Variants in CAMKK1 observed in about 807,000 individuals in gnomAD.
CAMKK1 encodes calcium/calmodulin-dependent protein kinase kinase 1.
In CAMKK1, 20 loss-of-function variants were observed where a neutral mutation model predicts 63.5. The observed-to-expected ratio is 0.32, with a 90% confidence interval of 0.22 to 0.46. CAMKK1 has a LOEUF of 0.46. CAMKK1 is among the 20% of genes least tolerant of loss of function. The probability of loss-of-function intolerance (pLI) is 1.00; values close to 1 mark genes in which losing one functional copy is unlikely to be tolerated. For missense variants in CAMKK1, 588 were observed against 658.1 expected (o/e 0.89, Z 1.17); for synonymous variants, 253 against 269.0 (o/e 0.94, Z 0.58).
chr17:3,863,174 C>T (rs2054385593), intron 15 of CAMKK1, among the ~76,000 whole-genome samples: 1 of 152,208 alleles, frequency 6.6e-6, no homozygotes, highest in Non-Finnish European at 1.5e-5. Context: ...AACTCTACTA[C>T]TGAGTTTCTA....
intron 1 of CAMKK1, among the ~76,000 whole-genome samples, chr17:3,888,764 G>A (rs1350534167): frequency 1.3e-5 from 2 of 152,202 alleles, no homozygotes; most frequent in Admixed American, 6.5e-5. Context: ...GTGACTAAGC[G>A]CGTCTGCGAG....
At chr17:3,872,734 GC>G in intron 11 of CAMKK1, 107 bp from the exon 12 acceptor site, 1 of 844,834 alleles carries the variant, frequency 1.2e-6, no homozygotes. Flanking sequence ...GCAGGTCTGG[GC>G]TCCCATTACA....
chr17:3,877,818 A>G (rs938777036), intron 9 of CAMKK1, among the ~76,000 whole-genome samples: 2 of 151,926 alleles, frequency 1.3e-5, no homozygotes, highest in Middle Eastern at 3.4e-3. Flanking sequence ...TCTCCCTTGA[A>G]CTCCAGCTCT....
In CAMKK1 at chr17:3,893,016, C is replaced by CCCGCCCCA. The variant is rs1352385029; in HGVS notation, c.-129_-122dup. 31 of 149,588 alleles carry CCCGCCCCA rather than the reference C, an allele frequency of 2.1e-4. No homozygotes were observed. Among genetic ancestry groups the CCCGCCCCA allele is most frequent in the African/African-American group, 7.5e-4 (31 of 41,066 alleles). The allele number at this position is 149,588 out of a possible 1,614,324, so 9.3% of individuals were successfully genotyped here. The stretch of plus-strand genomic sequence containing the variant: ...TGCTGCGCGCCCCGCCCCGCCCCGC[C>CCCGCCCCA]CCGCCCCACCGCCTCGCTGGGGCCC... On this transcript the variant is annotated 5_prime_UTR_variant, in exon 1 of 16. Coordinates refer to ENST00000348335, the MANE Select transcript of CAMKK1 (RefSeq NM_032294.3). This position sits in a 1 kb window ranked among gnomAD's most constrained non-coding sequence, Gnocchi z 4.6.
chr17:3,869,468 T>C lies in CAMKK1; in HGVS notation c.1341+19A>G, dbSNP rs766176605. 8.1e-6 allele frequency: 13 copies of C among 1,613,820 alleles called. No homozygotes were observed. The highest frequency in any genetic ancestry group is 3.3e-5 in the Admixed American group (2 of 59,998). On this transcript the variant is annotated intron_variant, in intron 14 of 15. Coordinates refer to ENST00000348335, the MANE Select transcript of CAMKK1 (RefSeq NM_032294.3). Reference sequence around the variant, plus strand: ...CCAGGCCCTCCAGGACAAGGGAGCATCTACCCCGGCTCTCTTACCACCGTG... The same window carrying C: ...CCAGGCCCTCCAGGACAAGGGAGCACCTACCCCGGCTCTCTTACCACCGTG...
Position 3,873,399 on chromosome 17 carries a change from T to C in CAMKK1, c.1050+10A>G. 6.2e-7 allele frequency: 1 copy of C among 1,613,914 alleles called. No homozygotes were observed. Among genetic ancestry groups the C allele is most frequent in the Non-Finnish European group, 8.5e-7 (1 of 1,179,908 alleles). ...CCCGCCCCAGCTCTGCTGGCATCCCTGGCACTCACCTTCCCATAGACAAAG... is the reference window on the plus strand; with the variant it reads ...CCCGCCCCAGCTCTGCTGGCATCCCCGGCACTCACCTTCCCATAGACAAAG... On this transcript the variant is annotated intron_variant, in intron 11 of 15. Coordinates refer to ENST00000348335, the MANE Select transcript of CAMKK1 (RefSeq NM_032294.3).
intron 14 of CAMKK1, among the ~76,000 whole-genome samples, chr17:3,869,113 C>T (rs557276794): frequency 1.2e-3 from 183 of 151,758 alleles, no homozygotes; most frequent in Non-Finnish European, 2.2e-3. Flanking sequence ...GGACTACACG[C>T]GCCCGCCACC....
intron 9 of CAMKK1, 49 bp downstream of exon 9, chr17:3,880,297 G>A: frequency 1.3e-6 from 2 of 1,526,544 alleles, no homozygotes; most frequent in Non-Finnish European, 9.1e-7. Context: ...TCTGCCGCCT[G>A]CCAGATCCCC....
chr17:3,886,025 C>T (rs1363636126), intron 1 of CAMKK1, among the ~76,000 whole-genome samples: 2 of 152,242 alleles, frequency 1.3e-5, no homozygotes, highest in African/African-American at 4.8e-5. Context: ...TCAGGACAGA[C>T]AGGGCAGAAG....
Position 3,884,071 on chromosome 17 carries a change from G to A in CAMKK1, c.409-134C>T. The A allele has an allele frequency of 1.1e-6, 1 of 890,526 alleles. No individual in the cohort carries two copies. Among genetic ancestry groups the A allele is most frequent in the South Asian group, 1.4e-5 (1 of 70,608 alleles). 55.2% of individuals were successfully genotyped at this position (890,526 alleles called of 1,614,324 possible). On this transcript the variant is annotated intron_variant, in intron 3 of 15. Transcript: ENST00000348335. The surrounding 1 kb of genome is among the most constrained non-coding windows in gnomAD (Gnocchi z 4.5). ...CTACCCACCACCAGCTGGCTCACGG[G>A]CAAATATTGTAGCAGATGGGGAGGG...
chr17:3,887,905 T>C lies in CAMKK1; in HGVS notation c.-43-2175A>G, dbSNP rs1214324069. ...TCACTCCGCATGCCTTGTTTTTCCC[T>C]CCCGAATGTAAGTTTCATGAGATTA... On this transcript the variant is annotated intron_variant, in intron 1 of 15. Transcript: ENST00000348335. The surrounding 1 kb of genome is among the most constrained non-coding windows in gnomAD (Gnocchi z 6.1). Among the ~76,000 whole-genome samples, 1 of 151,912 alleles carries C rather than the reference T, an allele frequency of 6.6e-6. No homozygotes were observed. The highest frequency in any genetic ancestry group is 6.6e-5 in the Admixed American group (1 of 15,258).
chr17:3,874,634 A>G (rs991754614), intron 10 of CAMKK1, among the ~76,000 whole-genome samples: 2 of 151,520 alleles, frequency 1.3e-5, no homozygotes, highest in East Asian at 3.9e-4. Flanking sequence ...CGGCCTCCCA[A>G]GTAGCTGGAA....
Position 3,887,868 on chromosome 17 carries a change from C to T in CAMKK1, c.-43-2138G>A, listed in dbSNP as rs187043445. On this transcript the variant is annotated intron_variant, in intron 1 of 15. Transcript: ENST00000348335. This position sits in a 1 kb window ranked among gnomAD's most constrained non-coding sequence, Gnocchi z 6.1. ...CCTCCCAGCAGGTGGCCCACCCCTC[C>T]GCCCCTTCCCCTCACTCCGCATGCC... 3.7e-4 allele frequency among the ~76,000 whole-genome samples: 57 copies of T among 152,270 alleles called. No individual in the cohort carries two copies. Among genetic ancestry groups the T allele is most frequent in the African/African-American group, 1.2e-3 (49 of 41,548 alleles).
At position 3,890,073 on chromosome 17, in the gene CAMKK1, GT is replaced by G. The variant is rs1454034225; in HGVS notation, c.-44+2865del. Among the ~76,000 whole-genome samples the G allele has an allele frequency of 1.2e-4, 19 of 152,240 alleles. No homozygotes were observed. Among genetic ancestry groups the G allele is most frequent in the Non-Finnish European group, 2.2e-4 (15 of 68,042 alleles). ...CCGAACAGAAGGGAAAGCCGCAGAG[GT>G]GGCGGCCACCCAGGCCAGACACAGA... On this transcript the variant is annotated intron_variant, in intron 1 of 15. Coordinates refer to ENST00000348335, the MANE Select transcript of CAMKK1 (RefSeq NM_032294.3). This position sits in a 1 kb window ranked among gnomAD's most constrained non-coding sequence, Gnocchi z 6.5.
chr17:3,865,368 C>T, intron 15 of CAMKK1: 1 of 989,326 alleles, frequency 1.0e-6, no homozygotes, highest in Non-Finnish European at 1.2e-6. Context: ...CAAGCACTCA[C>T]AAAGTGCTGA....
At chr17:3,865,566 T>C (rs570825776) in intron 15 of CAMKK1, 12 of 1,066,314 alleles carry the variant, frequency 1.1e-5, no homozygotes, top group African/African-American at 3.3e-5. Flanking sequence ...GGCCACAGAT[T>C]TGAAGCCCCA....
In CAMKK1 at chr17:3,889,031, G is replaced by T. The variant is rs1597494152; in HGVS notation, c.-43-3301C>A. On this transcript the variant is annotated intron_variant, in intron 1 of 15. Transcript: ENST00000348335. The surrounding 1 kb of genome is among the most constrained non-coding windows in gnomAD (Gnocchi z 5.2). ...TGTTTATGCGCCTGTGTGCCTGCAG[G>T]TCTCCGTGTACCTATGCCCAGGGTA... Among the ~76,000 whole-genome samples the T allele has an allele frequency of 1.3e-5, 2 of 152,188 alleles. No individual in the cohort carries two copies. Among genetic ancestry groups the T allele is most frequent in the East Asian group, 3.9e-4 (2 of 5,152 alleles).
rs532471843 is a variant in CAMKK1, at chr17:3,888,859, G to A, written c.-43-3129C>T. Among the ~76,000 whole-genome samples, 457 of 152,302 alleles carry A rather than the reference G, an allele frequency of 3.0e-3. 1 individual carries two copies. Among genetic ancestry groups the A allele is most frequent in the Non-Finnish European group, 5.0e-3 (342 of 68,014 alleles). On this transcript the variant is annotated intron_variant, in intron 1 of 15. Coordinates refer to ENST00000348335, the MANE Select transcript of CAMKK1 (RefSeq NM_032294.3). ...GCGCCCCGGCCGCGTGTGTGAGGGC[G>A]TGTGTCCCCACAGGAGGGAATATGT...
intron 14 of CAMKK1, among the ~76,000 whole-genome samples, chr17:3,868,888 C>T (rs2054699453): frequency 6.6e-6 from 1 of 151,764 alleles, no homozygotes; most frequent in Non-Finnish European, 1.5e-5. Context: ...CTCCTGACCT[C>T]GTGATCCACC....
Sources: gnomAD v4.1 joint callset for allele counts (sites outside exome capture counted in the v4.1 genomes callset) on GRCh38, gnomAD v4.1.1 for gene constraint, Gnocchi (gnomAD v3.1) non-coding constraint, MANE v1.5 for transcripts, NCBI Gene and HGNC (gene_info 2026-07-23, HGNC 2026-07-21) for gene names.